ADCK1: variants seen among roughly 807,000 people sequenced by gnomAD.
The protein encoded by ADCK1 is aarF domain containing kinase 1, also known as aarF domain-containing protein kinase 1.
Under a neutral mutation model 52.3 loss-of-function variants are expected in ADCK1, and 41 were observed. The ratio of observed to expected loss-of-function variants is 0.78; its 90% CI spans 0.61 to 1.02. ADCK1 has a LOEUF of 1.02. ADCK1 is among the 50% of genes least tolerant of loss of function. The pLI is 0.00. For missense variants in ADCK1, 658 were observed against 679.5 expected, an observed-to-expected ratio of 0.97 and a Z score of 0.35; for synonymous variants, 250 against 274.6, an observed-to-expected ratio of 0.91 and a Z score of 0.89.
intron 6 of ADCK1, among the ~76,000 whole-genome samples, chr14:77,900,308 T>C (rs3783960): frequency 0.6 from 91,500 of 151,806 alleles, 27,779 homozygotes; most frequent in Admixed American, 0.67. Context: ...GGACGGAGGC[T>C]GGGCATGGTG....
intron 4 of ADCK1, among the ~76,000 whole-genome samples, chr14:77,878,827 G>A (rs367874538): frequency 1.3e-5 from 2 of 152,276 alleles, no homozygotes; most frequent in South Asian, 2.1e-4. Context: ...GATAGCCAAC[G>A]GTGGATTATG....
chr14:77,900,204 A>G (rs372845800), intron 6 of ADCK1, among the ~76,000 whole-genome samples: 1 of 152,192 alleles, frequency 6.6e-6, no homozygotes, highest in Non-Finnish European at 1.5e-5. Flanking sequence ...CACAATACAC[A>G]TGGCACTTTA....
intron 7 of ADCK1, among the ~76,000 whole-genome samples, chr14:77,912,113 T>C (rs1325436091): frequency 2.6e-5 from 4 of 152,202 alleles, no homozygotes; most frequent in African/African-American, 4.8e-5. Context: ...TTGTCATCAA[T>C]GTGGGGCTCT....
At chr14:77,824,203 C>A (rs191014629) in intron 3 of ADCK1, among the ~76,000 whole-genome samples, 1 of 151,828 alleles carries the variant, frequency 6.6e-6, no homozygotes, top group Non-Finnish European at 1.5e-5. Context: ...TGGCTTCATT[C>A]ACTTAATTTT....
intron 4 of ADCK1, among the ~76,000 whole-genome samples, chr14:77,872,332 A>G (rs1381787433): frequency 1.3e-5 from 2 of 152,164 alleles, no homozygotes. Context: ...CTTCAGTCAC[A>G]CAAGCTGCTT....
chr14:77,810,128 T>C (rs2081309910), intron 1 of ADCK1, among the ~76,000 whole-genome samples: 1 of 152,108 alleles, frequency 6.6e-6, no homozygotes, highest in South Asian at 2.1e-4. Context: ...AATTACTTTT[T>C]TTTTTCTTGA....
intron 5 of ADCK1, among the ~76,000 whole-genome samples, chr14:77,898,363 G>A (rs958061779): frequency 5.3e-5 from 8 of 152,262 alleles, no homozygotes; most frequent in African/African-American, 9.6e-5. Context: ...TTTACTATTC[G>A]CAGTAGCAAA....
chr14:77,802,441 C>A (rs981133245), intron 1 of ADCK1, among the ~76,000 whole-genome samples: 1 of 151,960 alleles, frequency 6.6e-6, no homozygotes, highest in Non-Finnish European at 1.5e-5. Context: ...ACCTTGGCAT[C>A]AGTCAGGGAT....
At chr14:77,886,772 T>C (rs2083156748) in intron 4 of ADCK1, among the ~76,000 whole-genome samples, 1 of 152,078 alleles carries the variant, frequency 6.6e-6, no homozygotes, top group African/African-American at 2.4e-5. Flanking sequence ...CTGGGTGTGA[T>C]GTCACACACC....
chr14:77,853,548 T>C (rs1359892734), intron 3 of ADCK1, among the ~76,000 whole-genome samples: 10 of 152,302 alleles, frequency 6.6e-5, no homozygotes, highest in African/African-American at 2.4e-4. Flanking sequence ...ATTTGTTAGA[T>C]GGGAATGGAA....
chr14:77,835,292 A>G (rs145186559), intron 3 of ADCK1, among the ~76,000 whole-genome samples: 100 of 152,252 alleles, frequency 6.6e-4, no homozygotes, highest in African/African-American at 2.4e-3. Flanking sequence ...TTCAGTGATC[A>G]CCCTCATGAT....
At chr14:77,892,559 C>T (rs751173581) in intron 5 of ADCK1, among the ~76,000 whole-genome samples, 14 of 151,542 alleles carry the variant, frequency 9.2e-5, no homozygotes, top group African/African-American at 2.4e-4. Context: ...CCCTCCTGAG[C>T]GAGCACCGCA....
chr14:77,910,833 T>C (rs1322889609), intron 7 of ADCK1, among the ~76,000 whole-genome samples: 2 of 152,176 alleles, frequency 1.3e-5, no homozygotes, highest in African/African-American at 4.8e-5. Flanking sequence ...TGAGGACTGG[T>C]CTCATCTGCT....
intron 5 of ADCK1, among the ~76,000 whole-genome samples, chr14:77,897,521 C>T (rs564962128): frequency 6.4e-4 from 97 of 152,218 alleles, no homozygotes; most frequent in African/African-American, 2.1e-3. Context: ...TTAAACTGAC[C>T]CCTGAATGCC....
intron 4 of ADCK1, among the ~76,000 whole-genome samples, chr14:77,860,663 C>T (rs56249119): frequency 0.064 from 9,731 of 152,222 alleles, 709 homozygotes; most frequent in African/African-American, 0.18. Flanking sequence ...GAGCAGGCTG[C>T]AAGCTGGGAG....
chr14:77,865,739 TA>T (rs1252800391), intron 4 of ADCK1, among the ~76,000 whole-genome samples: 3 of 152,206 alleles, frequency 2.0e-5, no homozygotes, highest in Non-Finnish European at 4.4e-5. Flanking sequence ...GCATGTTACT[TA>T]ACCTCTCTGT....
chr14:77,837,351 T>A (rs2081982929), intron 3 of ADCK1, among the ~76,000 whole-genome samples: 1 of 152,170 alleles, frequency 6.6e-6, no homozygotes, highest in Admixed American at 6.5e-5. Flanking sequence ...CTGGCCAGGC[T>A]GGTCTTCAAC....
intron 5 of ADCK1, among the ~76,000 whole-genome samples, chr14:77,893,739 T>TCCTTCCTTCC (rs57365647): frequency 4.6e-5 from 5 of 108,130 alleles, no homozygotes; most frequent in African/African-American, 1.5e-4. Context: ...CTTCCTTCCT[T>TCCTTCCTTCC]TTTTTTTTTT....
At chr14:77,835,001 G>A (rs1022780786) in intron 3 of ADCK1, among the ~76,000 whole-genome samples, 9 of 152,300 alleles carry the variant, frequency 5.9e-5, no homozygotes, top group Non-Finnish European at 7.4e-5. Context: ...ACCTCCAGCA[G>A]TTTTCTGACC....
Sources: allele counts gnomAD v4.1 joint callset (sites outside exome capture counted in the v4.1 genomes callset), GRCh38; gene constraint gnomAD v4.1.1; transcripts MANE v1.5; gene names NCBI Gene and HGNC (gene_info 2026-07-23, HGNC 2026-07-21).